DNAH8: variants seen among roughly 807,000 people sequenced by gnomAD.
The protein encoded by DNAH8 is dynein axonemal heavy chain 8.
Under a neutral mutation model 562.1 loss-of-function variants are expected in DNAH8, and 382 were observed. That is an observed-to-expected ratio of 0.68 (90% CI 0.63 to 0.74). DNAH8 has a LOEUF of 0.74. DNAH8 is among the 30% of genes least tolerant of loss of function. The pLI is 0.00. For missense variants in DNAH8, 5,203 were observed against 5,620.4 expected (o/e 0.93, Z 2.37); for synonymous variants, 1,881 against 1,919.4 (o/e 0.98, Z 0.52).
intron 11 of DNAH8, among the ~76,000 whole-genome samples, chr6:38,767,964 A>G (rs1367957980): frequency 6.6e-6 from 1 of 151,898 alleles, no homozygotes; most frequent in Admixed American, 6.6e-5. Flanking sequence ...AACACTTTTT[A>G]TTTTCTATTA....
chr6:38,806,601 A>G (rs1256282589), intron 23 of DNAH8, among the ~76,000 whole-genome samples: 1 of 152,098 alleles, frequency 6.6e-6, no homozygotes, highest in Non-Finnish European at 1.5e-5. Context: ...CACCTCATAA[A>G]TAGCCTCTGC....
intron 76 of DNAH8, 123 bp downstream of exon 76, chr6:38,932,116 A>C: frequency 1.5e-6 from 1 of 673,010 alleles, no homozygotes; most frequent in Non-Finnish European, 2.3e-6. Flanking sequence ...TTGTTAACAT[A>C]AGTATTTCTT....
chr6:38,921,298 G>T, intron 70 of DNAH8, 71 bp from the exon 71 acceptor site: 1 of 1,537,354 alleles, frequency 6.5e-7, no homozygotes, highest in Non-Finnish European at 8.8e-7. Flanking sequence ...TATGTGATTT[G>T]TGTTATCTAC....
At chr6:38,798,123 T>C (rs938320187) in intron 21 of DNAH8, among the ~76,000 whole-genome samples, 69 of 151,386 alleles carry the variant, frequency 4.6e-4, no homozygotes, top group African/African-American at 1.6e-3. Flanking sequence ...AGCACATTAG[T>C]GGTTGCCAGA....
chr6:38,997,758 G>GTTT lies in DNAH8; in HGVS notation c.13214+7588_13214+7589insTTT, dbSNP rs543124652. ...CATTCTTGCTTCTTTTTGTTTGTTT[G>GTTT]TTGTTTTTTGTTTTGTTTTGAGATA... On this transcript the variant is annotated intron_variant, in intron 88 of 92. Transcript: ENST00000327475. Among the ~76,000 whole-genome samples the GTTT allele has an allele frequency of 2.0e-3, 306 of 152,198 alleles. 1 individual carries two copies. The highest frequency in any genetic ancestry group is 6.9e-3 in the African/African-American group (288 of 41,534).
At position 39,030,703 on chromosome 6, in the gene DNAH8, A is replaced by T. The variant is rs1430763288; in HGVS notation, c.*311A>T. On this transcript the variant is annotated 3_prime_UTR_variant, in exon 93 of 93. Transcript: ENST00000327475. Reference sequence around the variant, plus strand: ...GAATTTTAAAAATTTGAAAGTGTTGATATGTGACATCCTAAAAAGAGCCTA... The same window carrying T: ...GAATTTTAAAAATTTGAAAGTGTTGTTATGTGACATCCTAAAAAGAGCCTA... 1.3e-5 allele frequency among the ~76,000 whole-genome samples: 2 copies of T among 152,200 alleles called. No individual in the cohort carries two copies. The highest frequency in any genetic ancestry group is 4.8e-5 in the African/African-American group (2 of 41,444).
intron 38 of DNAH8, 131 bp from the exon 39 acceptor site, chr6:38,851,441 G>T (rs539939072): frequency 1.7e-6 from 1 of 595,406 alleles, no homozygotes; most frequent in African/African-American, 1.9e-5. Context: ...CATTGCAGGG[G>T]TAGGTGATAA....
rs1561864650 is a variant in DNAH8, at chr6:38,921,520, T to C, written c.10662+14T>C. The C allele has an allele frequency of 6.2e-7, 1 of 1,607,958 alleles. No individual in the cohort carries two copies. On this transcript the variant is annotated intron_variant, in intron 71 of 92. Transcript: ENST00000327475. ...AATGAGAAAATGGTGAGATTAAACA[T>C]AAAAAATCCCCAAAATGGTGTACTG...
intron 5 of DNAH8, among the ~76,000 whole-genome samples, chr6:38,736,238 G>A (rs1013820420): frequency 6.6e-6 from 1 of 152,106 alleles, no homozygotes; most frequent in African/African-American, 2.4e-5. Flanking sequence ...TTCCAACGTA[G>A]TTATATTCTA....
At chr6:38,914,659 C>T (rs989467564) in intron 67 of DNAH8, among the ~76,000 whole-genome samples, 1 of 151,904 alleles carries the variant, frequency 6.6e-6, no homozygotes, top group Non-Finnish European at 1.5e-5. Context: ...CTATGTGCTG[C>T]TTTTTTATCT....
chr6:38,731,245 A>G (rs566118273), intron 4 of DNAH8, among the ~76,000 whole-genome samples: 1 of 152,374 alleles, frequency 6.6e-6, no homozygotes, highest in South Asian at 2.1e-4. Context: ...ATCTATAATT[A>G]GAAGCAAAAT....
chr6:38,996,783 A>G (rs1161651956), intron 88 of DNAH8, among the ~76,000 whole-genome samples: 1 of 152,170 alleles, frequency 6.6e-6, no homozygotes, highest in African/African-American at 2.4e-5. Flanking sequence ...GGTGTGTTAG[A>G]GAGGACACGG....
chr6:38,827,803 C>A (rs1360163042), intron 29 of DNAH8, among the ~76,000 whole-genome samples: 1 of 113,830 alleles, frequency 8.8e-6, no homozygotes. Context: ...TCCCTTGGAG[C>A]CTGGATCATT....
chr6:38,870,949 T>A (rs1777424974), intron 49 of DNAH8, among the ~76,000 whole-genome samples: 1 of 152,202 alleles, frequency 6.6e-6, no homozygotes, highest in Admixed American at 6.5e-5. Flanking sequence ...GCTATTTTGC[T>A]CCTGCTTTGT....
chr6:38,742,548 C>A (rs1764603408), intron 8 of DNAH8, among the ~76,000 whole-genome samples: 1 of 152,158 alleles, frequency 6.6e-6, no homozygotes, highest in Non-Finnish European at 1.5e-5. Flanking sequence ...GTGATCCGCC[C>A]ACCTCAGCCT....
chr6:38,913,244 T>A (rs1273210934), intron 66 of DNAH8, among the ~76,000 whole-genome samples: 1 of 152,178 alleles, frequency 6.6e-6, no homozygotes, highest in South Asian at 2.1e-4. Flanking sequence ...ACTACAGAAA[T>A]TGGACAATAT....
chr6:38,948,499 C>G (rs552058719), intron 80 of DNAH8, among the ~76,000 whole-genome samples: 26 of 152,100 alleles, frequency 1.7e-4, no homozygotes, highest in African/African-American at 6.3e-4. Context: ...CCACCACGCC[C>G]GGCTAATTTT....
At chr6:38,881,780 A>G (rs922161008) in intron 53 of DNAH8, among the ~76,000 whole-genome samples, 2 of 151,810 alleles carry the variant, frequency 1.3e-5, no homozygotes, top group African/African-American at 4.8e-5. Flanking sequence ...CGAACTTCCA[A>G]CCTCAGCTGA....
intron 71 of DNAH8, among the ~76,000 whole-genome samples, chr6:38,922,270 T>C (rs1182499003): frequency 6.6e-6 from 1 of 151,530 alleles, no homozygotes; most frequent in African/African-American, 2.4e-5. Context: ...CAATCTAGTG[T>C]GCAGTGTGGG....
Sources: allele counts gnomAD v4.1 joint callset (sites outside exome capture counted in the v4.1 genomes callset), GRCh38; gene constraint gnomAD v4.1.1; transcripts MANE v1.5; gene names NCBI Gene and HGNC (gene_info 2026-07-23, HGNC 2026-07-21).